Variants in KIF1A observed in about 807,000 individuals in gnomAD.
The protein encoded by KIF1A is kinesin family member 1A, also known as kinesin-like protein KIF1A.
A neutral mutation model predicts 227.3 loss-of-function variants in KIF1A; 46 were observed. The observed-to-expected ratio is 0.20, with a 90% CI of 0.16 to 0.26. KIF1A has a LOEUF of 0.26. KIF1A is among the 10% of genes least tolerant of loss of function. The pLI is 1.00. For synonymous variants in KIF1A, 1,022 were observed against 1,012.8 expected (o/e 1.01, Z -0.17); for missense variants, 1,683 against 2,485.9 (o/e 0.68, Z 6.87).
chr2:240,774,785 G>C (rs2052533121), intron 11 of KIF1A, among the ~76,000 whole-genome samples: 1 of 152,152 alleles, frequency 6.6e-6, no homozygotes, highest in African/African-American at 2.4e-5. Flanking sequence ...GGTAACCTCA[G>C]CCATCGGAAA....
At chr2:240,763,376 G>A (rs1028767899) in intron 20 of KIF1A, 30 bp from the exon 21 acceptor site, 10 of 1,541,218 alleles carry the variant, frequency 6.5e-6, no homozygotes, top group South Asian at 3.6e-5. Context: ...GTGGCCTTGA[G>A]GGATGGGGAT....
chr2:240,737,403 ACC>A, intron 37 of KIF1A: 1 of 423,496 alleles, frequency 2.4e-6, no homozygotes, highest in Non-Finnish European at 4.4e-6. Flanking sequence ...CACAGTGAAC[ACC>A]CCCGTATACA....
chr2:240,747,290 G>T lies in KIF1A; in HGVS notation c.3009C>A (p.Gly1003=). Residue 1003 remains glycine, a synonymous_variant, in exon 29 of 49, where the codon GGC becomes GGA. Coordinates refer to ENST00000498729, the MANE Select transcript of KIF1A (RefSeq NM_001244008.2). ...TTTTAGCAGTTCCCGACTGGCGGAC[G>T]CCAGAGCCATAATCAGGGGCCTCTT... ...ADEEAPDYGS[G]VRQSGTAKIS... 1.2e-6 allele frequency: 2 copies of T among 1,613,376 alleles called. No homozygotes were observed. Among genetic ancestry groups the T allele is most frequent in the South Asian group, 2.2e-5 (2 of 91,054 alleles).
chr2:240,736,852 C>G lies in KIF1A; in HGVS notation c.4007+211G>C, dbSNP rs1189739338. ...TGATAAACAAATGGGCATGGGGATG[C>G]CTGAACCAGCAACGAGGTGCACAAA... On this transcript the variant is annotated intron_variant, in intron 38 of 48. Transcript: ENST00000498729. The surrounding 1 kb of genome is among the most constrained non-coding windows in gnomAD (Gnocchi z 4.7). Among the ~76,000 whole-genome samples the G allele has an allele frequency of 6.6e-6, 1 of 152,194 alleles. No homozygotes were observed. The highest frequency in any genetic ancestry group is 1.5e-5 in the Non-Finnish European group (1 of 68,034).
chr2:240,722,324 C>T, intron 43 of KIF1A, 132 bp downstream of exon 43: 1 of 851,228 alleles, frequency 1.2e-6, no homozygotes, highest in Non-Finnish European at 1.8e-6. Flanking sequence ...AGGGACCCCT[C>T]AAGCTCCTAG....
At chr2:240,722,344 G>A (rs1180875406) in intron 43 of KIF1A, 112 bp downstream of exon 43, 8 of 1,017,630 alleles carry the variant, frequency 7.9e-6, no homozygotes, top group Admixed American at 2.4e-5. Context: ...GCTCCTGGTG[G>A]TGCTAACCAG....
At chr2:240,817,795 C>T (rs1383603260) in intron 1 of KIF1A, among the ~76,000 whole-genome samples, 1 of 152,196 alleles carries the variant, frequency 6.6e-6, no homozygotes, top group Non-Finnish European at 1.5e-5. Context: ...CCCCCTCCAC[C>T]CTTCACAAAT....
chr2:240,805,959 C>A (rs2057369529), intron 1 of KIF1A, among the ~76,000 whole-genome samples: 1 of 152,172 alleles, frequency 6.6e-6, no homozygotes, highest in Non-Finnish European at 1.5e-5. Flanking sequence ...TTTTCATGTC[C>A]AGCCATGACA....
At chr2:240,755,797 T>C (rs1024170630) in intron 27 of KIF1A, among the ~76,000 whole-genome samples, 1 of 152,190 alleles carries the variant, frequency 6.6e-6, no homozygotes, top group Non-Finnish European at 1.5e-5. Context: ...CTGTGCGTCC[T>C]GATCCCTCAC....
chr2:240,721,933 T>C (rs1347359015), intron 43 of KIF1A, 49 bp from the exon 44 acceptor site: 2 of 1,488,060 alleles, frequency 1.3e-6, no homozygotes, highest in Admixed American at 3.7e-5. Flanking sequence ...CCCGGGACCC[T>C]GCTCAGACAG....
rs1225271289 is a variant in KIF1A at position 240,745,530 on chromosome 2, G to A, written c.3375-13C>T. 1.3e-6 allele frequency: 2 copies of A among 1,598,494 alleles called. No individual in the cohort carries two copies. The highest frequency in any genetic ancestry group is 1.7e-6 in the Non-Finnish European group (2 of 1,168,556). The stretch of plus-strand genomic sequence containing the variant: ...GCGGTGGATGAAGCTGCAAAGCAGA[G>A]GAGATGCTTTGGTGTGGGGTGGGGG... On this transcript the variant is annotated splice_polypyrimidine_tract_variant and intron_variant, in intron 31 of 48. Coordinates refer to ENST00000498729, the MANE Select transcript of KIF1A (RefSeq NM_001244008.2).
chr2:240,730,395 G>A (rs1311987990), intron 38 of KIF1A, among the ~76,000 whole-genome samples: 3 of 152,284 alleles, frequency 2.0e-5, no homozygotes, highest in East Asian at 3.9e-4. Flanking sequence ...GAGGATGTGG[G>A]CTGGGAGGGC....
In KIF1A at chr2:240,789,150, C is replaced by A. The variant is rs765195081; in HGVS notation, c.183+86G>T. 3 of 1,071,624 alleles carry A rather than the reference C, an allele frequency of 2.8e-6. No homozygotes were observed. The highest frequency in any genetic ancestry group is 2.9e-6 in the Non-Finnish European group (2 of 698,510). 66.4% of individuals were successfully genotyped at this position (1,071,624 alleles called of 1,614,324 possible). On this transcript the variant is annotated intron_variant, in intron 3 of 48. Transcript: ENST00000498729. This position sits in a 1 kb window ranked among gnomAD's most constrained non-coding sequence, Gnocchi z 4.8. Reference sequence around the variant, plus strand: ...CTCGCCCCAGTTAGAGAGGAATGAGCGGCTCAGAGAAGTTGAGGGACCCCG... The same window carrying A: ...CTCGCCCCAGTTAGAGAGGAATGAGAGGCTCAGAGAAGTTGAGGGACCCCG...
At chr2:240,769,948 C>T (rs577518623) in intron 15 of KIF1A, among the ~76,000 whole-genome samples, 41 of 152,306 alleles carry the variant, frequency 2.7e-4, no homozygotes, top group African/African-American at 9.9e-4. Flanking sequence ...GAAGCAAATG[C>T]TCCTGGGAGA....
intron 1 of KIF1A, among the ~76,000 whole-genome samples, chr2:240,812,880 G>GGGATCCGCCTTCACCTCGC (rs1559549893): frequency 7.9e-6 from 1 of 127,106 alleles, no homozygotes; most frequent in Non-Finnish European, 1.6e-5. Context: ...CCTTCACTCG[G>GGGATCCGCCTTCACCTCGC]GGATCCGCCT....
At chr2:240,746,215 G>T (rs2048580157) in intron 29 of KIF1A, 38 bp from the exon 30 acceptor site, 1 of 1,547,300 alleles carries the variant, frequency 6.5e-7, no homozygotes, top group African/African-American at 1.4e-5. Context: ...AGAGCCAGGA[G>T]CCAGCCGAGG....
chr2:240,766,015 T>C lies in KIF1A; in HGVS notation c.1685-222A>G, dbSNP rs1268995391. Reference sequence around the variant, plus strand: ...AAGAAAGTGACCCCCAGAAGGAGGATGCATGTGCCCACGTTGAAGCCAAGA... The same window carrying C: ...AAGAAAGTGACCCCCAGAAGGAGGACGCATGTGCCCACGTTGAAGCCAAGA... On this transcript the variant is annotated intron_variant, in intron 19 of 48. Coordinates refer to ENST00000498729, the MANE Select transcript of KIF1A (RefSeq NM_001244008.2). The surrounding 1 kb of genome is among the most constrained non-coding windows in gnomAD (Gnocchi z 5.0). Among the ~76,000 whole-genome samples, 1 of 152,220 alleles carries C rather than the reference T, an allele frequency of 6.6e-6. No individual in the cohort carries two copies. Among genetic ancestry groups the C allele is most frequent in the Non-Finnish European group, 1.5e-5 (1 of 68,034 alleles).
At position 240,722,468 on chromosome 2, in the gene KIF1A, C is replaced by T. The variant is rs1220494153; in HGVS notation, c.4653G>A (p.Glu1551=). The change falls in exon 43 of 49, where the codon GAG becomes GAA. Residue 1551 remains glutamate, a synonymous_variant. Transcript: ENST00000498729. ...CAGCTGGACCCACCTTGACGGCCAG[C>T]TCCCGCTGCCTCTCGTTGGGAGCCT... ...PLEAPNERQR[E]LAVKCLRLLT... 3 of 1,546,692 alleles carry T rather than the reference C, an allele frequency of 1.9e-6. No individual in the cohort carries two copies. The East Asian group carries it at 7.3e-5, about 38-fold the overall frequency.
Position 240,766,325 on chromosome 2 carries a change from T to C in KIF1A, c.1685-532A>G, listed in dbSNP as rs1289483917. Among the ~76,000 whole-genome samples, 1 of 152,206 alleles carries C rather than the reference T, an allele frequency of 6.6e-6. No individual in the cohort carries two copies. Among genetic ancestry groups the C allele is most frequent in the Non-Finnish European group, 1.5e-5 (1 of 68,028 alleles). ...GGCTGTGGGCCATGTGACGGCACACTGACACCACAGGCCCATCCCCAAGTT... is the reference window on the plus strand; with the variant it reads ...GGCTGTGGGCCATGTGACGGCACACCGACACCACAGGCCCATCCCCAAGTT... On this transcript the variant is annotated intron_variant, in intron 19 of 48. Coordinates refer to ENST00000498729, the MANE Select transcript of KIF1A (RefSeq NM_001244008.2). This position sits in a 1 kb window ranked among gnomAD's most constrained non-coding sequence, Gnocchi z 5.0.
Sources: gnomAD v4.1 joint callset for allele counts (sites outside exome capture counted in the v4.1 genomes callset) on GRCh38, gnomAD v4.1.1 for gene constraint, Gnocchi (gnomAD v3.1) non-coding constraint, MANE v1.5 for transcripts, NCBI Gene and HGNC (gene_info 2026-07-23, HGNC 2026-07-21) for gene names.